TLK1: variants seen among roughly 807,000 people sequenced by gnomAD.
The protein encoded by TLK1 is serine/threonine-protein kinase tousled-like 1.
In TLK1, 24 loss-of-function variants were observed where a neutral mutation model predicts 105.3. The observed-to-expected ratio is 0.23, with a 90% CI of 0.17 to 0.32. TLK1 has a LOEUF of 0.32. Among genes scored for constraint, TLK1 ranks in the 10% least tolerant of loss-of-function variants. The pLI is 1.00. For missense variants in TLK1, 558 were observed against 910.5 expected (o/e 0.61, Z 4.98); for synonymous variants, 321 against 310.4 (o/e 1.03, Z -0.36).
At chr2:171,174,435 CCTT>C (rs1692783717) in intron 1 of TLK1, among the ~76,000 whole-genome samples, 1 of 152,142 alleles carries the variant, frequency 6.6e-6, no homozygotes, top group South Asian at 2.1e-4. Flanking sequence ...CACTAATTCT[CCTT>C]CTTGTTTTTA....
intron 18 of TLK1, among the ~76,000 whole-genome samples, chr2:171,002,584 A>G (rs748958752): frequency 1.3e-5 from 2 of 151,878 alleles, no homozygotes; most frequent in African/African-American, 2.4e-5. Context: ...TGCTTTTTCT[A>G]AAATCACATT....
intron 2 of TLK1, among the ~76,000 whole-genome samples, chr2:171,092,766 T>G (rs938292851): frequency 4.6e-5 from 7 of 152,128 alleles, no homozygotes; most frequent in Non-Finnish European, 7.4e-5. Flanking sequence ...GTCCTCTGTC[T>G]ACAAACCAAG....
At chr2:171,000,176 G>C (rs989158628) in intron 18 of TLK1, among the ~76,000 whole-genome samples, 3 of 152,000 alleles carry the variant, frequency 2.0e-5, no homozygotes, top group Non-Finnish European at 1.5e-5. Flanking sequence ...GGCAGTTTGA[G>C]ACCAGCCTGG....
At chr2:171,156,817 G>A (rs1400291055) in intron 1 of TLK1, among the ~76,000 whole-genome samples, 2 of 152,188 alleles carry the variant, frequency 1.3e-5, no homozygotes, top group Non-Finnish European at 2.9e-5. Context: ...GAAGTTTACA[G>A]TTTAATCGAA....
At chr2:171,078,976 A>G (rs539456755) in intron 3 of TLK1, among the ~76,000 whole-genome samples, 3 of 152,278 alleles carry the variant, frequency 2.0e-5, no homozygotes, top group East Asian at 1.9e-4. Context: ...TATGAAATAC[A>G]AGGGTCTTCA....
At chr2:171,185,809 C>A (rs1332006399) in intron 1 of TLK1, among the ~76,000 whole-genome samples, 1 of 152,178 alleles carries the variant, frequency 6.6e-6, no homozygotes, top group East Asian at 1.9e-4. Context: ...ATAGTGAATT[C>A]CTTAATGGCA....
intron 1 of TLK1, among the ~76,000 whole-genome samples, chr2:171,212,901 T>A (rs75275099): frequency 9.1e-4 from 138 of 151,226 alleles, no homozygotes; most frequent in Middle Eastern, 3.4e-3. Flanking sequence ...TGTTTTTTTT[T>A]AAAAAAAACA....
At chr2:171,101,566 T>C (rs1558942390) in intron 2 of TLK1, among the ~76,000 whole-genome samples, 2 of 152,130 alleles carry the variant, frequency 1.3e-5, no homozygotes, top group Non-Finnish European at 2.9e-5. Context: ...GTGGTAATGG[T>C]TGCATAAAAA....
upstream of TLK1, among the ~76,000 whole-genome samples, chr2:171,163,797 C>T (rs1226568267): frequency 6.6e-6 from 1 of 151,760 alleles, no homozygotes; most frequent in African/African-American, 2.4e-5. Flanking sequence ...GCAATCTTGG[C>T]TCACTGCAAC....
intron 2 of TLK1, among the ~76,000 whole-genome samples, chr2:171,116,725 C>T (rs1191303158): frequency 1.3e-5 from 2 of 151,110 alleles, no homozygotes; most frequent in Non-Finnish European, 2.9e-5. Context: ...AAGAAATGCT[C>T]AAAATAATTG....
At chr2:171,154,929 C>G (rs1486018737) in intron 1 of TLK1, among the ~76,000 whole-genome samples, 1 of 151,992 alleles carries the variant, frequency 6.6e-6, no homozygotes, top group African/African-American at 2.4e-5. Context: ...TTCCCACCAC[C>G]TAAAAATCCA....
chr2:171,079,148 C>A (rs769933752), intron 3 of TLK1, among the ~76,000 whole-genome samples: 1 of 152,196 alleles, frequency 6.6e-6, no homozygotes, highest in Non-Finnish European at 1.5e-5. Context: ...TTAAACCAAA[C>A]GACTTGTCAT....
At chr2:171,187,181 A>G (rs1055629107) in intron 1 of TLK1, among the ~76,000 whole-genome samples, 1 of 152,048 alleles carries the variant, frequency 6.6e-6, no homozygotes, top group African/African-American at 2.4e-5. Flanking sequence ...TCTAATAGAA[A>G]CAGCAAAGTT....
intron 18 of TLK1, among the ~76,000 whole-genome samples, chr2:171,000,465 T>C (rs1192617625): frequency 1.3e-5 from 2 of 151,162 alleles, no homozygotes; most frequent in Non-Finnish European, 2.9e-5. Flanking sequence ...AGTTAATTAA[T>C]ACATATTTTA....
intron 2 of TLK1, among the ~76,000 whole-genome samples, chr2:171,099,760 T>C (rs554321537): frequency 4.6e-5 from 7 of 152,324 alleles, no homozygotes; most frequent in South Asian, 4.1e-4. Flanking sequence ...GGAGAAAGAA[T>C]AGTCTTTTCA....
intron 1 of TLK1, among the ~76,000 whole-genome samples, chr2:171,182,788 G>C (rs960875250): frequency 4.6e-5 from 7 of 151,558 alleles, no homozygotes; most frequent in African/African-American, 1.7e-4. Context: ...GGTATGGTGG[G>C]GACATCCCTG....
chr2:171,116,467 G>A (rs1185979417), intron 2 of TLK1, among the ~76,000 whole-genome samples: 6 of 152,104 alleles, frequency 3.9e-5, no homozygotes, highest in Non-Finnish European at 7.4e-5. Flanking sequence ...TTGGGAGGCC[G>A]AGGTGGGTGG....
chr2:171,221,150 T>A (rs1258718958), intron 1 of TLK1, among the ~76,000 whole-genome samples: 3 of 152,246 alleles, frequency 2.0e-5, no homozygotes, highest in Non-Finnish European at 4.4e-5. Context: ...AGCACATTTC[T>A]GGTTTTGTCA....
At chr2:171,155,704 C>T (rs1224607474) in intron 1 of TLK1, 1 of 152,146 alleles carries the variant, frequency 6.6e-6, no homozygotes, top group Non-Finnish European at 1.5e-5. Flanking sequence ...ACTTTAAATT[C>T]TCAAAACTAA....
Sources: allele counts gnomAD v4.1 joint callset (sites outside exome capture counted in the v4.1 genomes callset), GRCh38; gene constraint gnomAD v4.1.1; transcripts MANE v1.5; gene names NCBI Gene and HGNC (gene_info 2026-07-23, HGNC 2026-07-21).